Variants in HIVEP3 observed in about 807,000 individuals in gnomAD.
HIVEP3 encodes HIVEP zinc finger 3.
HIVEP3 carries 49 observed loss-of-function variants against 152.8 expected under a neutral mutation model. The ratio of observed to expected loss-of-function variants is 0.32; its 90% CI spans 0.26 to 0.41. HIVEP3 has a LOEUF of 0.41. Among genes scored for constraint, HIVEP3 ranks in the 10% least tolerant of loss-of-function variants. The pLI, the probability that HIVEP3 is intolerant of heterozygous loss-of-function variation, is 1.00. For missense variants in HIVEP3, 2,790 were observed against 3,103.3 expected (o/e 0.90, Z 2.40); for synonymous variants, 1,269 against 1,289.0 (o/e 0.98, Z 0.33).
intron 3 of HIVEP3, among the ~76,000 whole-genome samples, chr1:41,607,818 G>A (rs951595856): frequency 2.0e-5 from 3 of 152,252 alleles, no homozygotes; most frequent in Non-Finnish European, 2.9e-5. Context: ...CTGAGTTTAA[G>A]TGGCCATGGC....
intron 1 of HIVEP3, among the ~76,000 whole-genome samples, chr1:41,878,722 T>C (rs1165775860): frequency 5.9e-5 from 7 of 118,886 alleles, no homozygotes; most frequent in African/African-American, 2.0e-4. Context: ...ACTCCCTCCC[T>C]TCCTTCCTCT....
rs563908755 is a variant in HIVEP3 at position 41,758,340 on chromosome 1, A to G, written c.-800-57345T>C. ...CCAGGTACACAGGGAATGGGGAGAG[A>G]AGGCATCAGTCCTGGTCCAAATCTC... On this transcript the variant is annotated intron_variant, in intron 1 of 8. Coordinates refer to ENST00000372583, the MANE Select transcript of HIVEP3 (RefSeq NM_024503.5). Among the ~76,000 whole-genome samples, 32 of 152,176 alleles carry G rather than the reference A, an allele frequency of 2.1e-4. 1 individual carries two copies. Among genetic ancestry groups the G allele is most frequent in the Non-Finnish European group, 4.0e-4 (27 of 68,020 alleles).
At chr1:41,749,240 G>T (rs1331107560) in intron 1 of HIVEP3, among the ~76,000 whole-genome samples, 1 of 152,182 alleles carries the variant, frequency 6.6e-6, no homozygotes, top group South Asian at 2.1e-4. Context: ...GGCACTCCTG[G>T]TAGGGATGGG....
At chr1:41,895,761 C>T (rs1051884647) in intron 1 of HIVEP3, among the ~76,000 whole-genome samples, 1 of 151,954 alleles carries the variant, frequency 6.6e-6, no homozygotes, top group African/African-American at 2.4e-5. Flanking sequence ...CTGGGAACAT[C>T]CCCCAGGAAC....
chr1:41,617,030 T>C (rs1366827581), intron 3 of HIVEP3, among the ~76,000 whole-genome samples: 6 of 152,194 alleles, frequency 3.9e-5, no homozygotes, highest in African/African-American at 1.4e-4. Flanking sequence ...ATTTGAACCC[T>C]GGCTGTCTGT....
At chr1:41,634,529 T>C (rs1388342507) in intron 2 of HIVEP3, among the ~76,000 whole-genome samples, 1 of 151,550 alleles carries the variant, frequency 6.6e-6, no homozygotes, top group Non-Finnish European at 1.5e-5. Flanking sequence ...GACACAATAA[T>C]ATGAATAAAT....
intron 1 of HIVEP3, among the ~76,000 whole-genome samples, chr1:41,860,079 G>A (rs934008133): frequency 2.6e-5 from 4 of 152,154 alleles, no homozygotes; most frequent in Non-Finnish European, 1.5e-5. Flanking sequence ...AAGAAAAGAT[G>A]GCTTGCGGAT....
chr1:41,640,810 C>A (rs1645360980), intron 2 of HIVEP3, among the ~76,000 whole-genome samples: 1 of 152,224 alleles, frequency 6.6e-6, no homozygotes, highest in Non-Finnish European at 1.5e-5. Context: ...TCATCACCAT[C>A]TGACAACTGA....
intron 1 of HIVEP3, among the ~76,000 whole-genome samples, chr1:41,705,938 T>C (rs1220070889): frequency 6.6e-6 from 1 of 152,206 alleles, no homozygotes; most frequent in African/African-American, 2.4e-5. Context: ...CAAGGGTTGA[T>C]AGCCTGCAGT....
In HIVEP3 at chr1:41,918,107, C is replaced by CCCA. The variant is rs1644900646; in HGVS notation, c.-801+305_-801+306insTGG. 6.6e-6 allele frequency among the ~76,000 whole-genome samples: 1 copy of CCCA among 151,614 alleles called. No individual in the cohort carries two copies. The highest frequency in any genetic ancestry group is 2.4e-5 in the African/African-American group (1 of 41,254). ...CGCACGGCGCGCATAGGGTTACAGC[C>CCCA]CCGCCGCCGCCGCCGCCGCCGCCGC... On this transcript the variant is annotated intron_variant, in intron 1 of 8. Transcript: ENST00000372583. This position sits in a 1 kb window ranked among gnomAD's most constrained non-coding sequence, Gnocchi z 4.3.
rs138759633 is a variant in HIVEP3, at chr1:42,004,265, T to C, written n.119+31542A>G. Among the ~76,000 whole-genome samples the C allele has an allele frequency of 4.4e-3, 672 of 152,368 alleles. 5 individuals carry two copies. Among genetic ancestry groups the C allele is most frequent in the African/African-American group, 0.016 (654 of 41,574 alleles). On this transcript the variant is annotated intron_variant and non_coding_transcript_variant, in intron 1 of 3. Coordinates refer to the HIVEP3 transcript ENST00000489103. ...CCACATCCATCCACTGTAGGCATTC[T>C]AAGCCTTAATATGTGGCAAAGACAG...
intron 1 of HIVEP3, among the ~76,000 whole-genome samples, chr1:41,870,781 G>A (rs1644065276): frequency 6.6e-6 from 1 of 152,228 alleles, no homozygotes; most frequent in African/African-American, 2.4e-5. Context: ...GGGACTGGCA[G>A]AAGCAGCATA....
chr1:41,824,788 G>T (rs867471520), intron 1 of HIVEP3, among the ~76,000 whole-genome samples: 186 of 15,506 alleles, frequency 0.012, no homozygotes, highest in African/African-American at 0.021. Flanking sequence ...TATATATAGA[G>T]AGAGAGAGAG....
intron 4 of HIVEP3, 47 bp downstream of exon 4, chr1:41,579,690 G>A (rs1644370529): frequency 2.0e-6 from 3 of 1,511,854 alleles, no homozygotes; most frequent in African/African-American, 1.4e-5. Flanking sequence ...AGCTCGCCAA[G>A]TGCTTTTGCA....
chr1:41,562,839 G>A (rs1644099642), intron 5 of HIVEP3, among the ~76,000 whole-genome samples: 1 of 152,160 alleles, frequency 6.6e-6, no homozygotes, highest in Admixed American at 6.5e-5. Context: ...AGCCTCTGCA[G>A]GTTGGGGTGG....
chr1:41,774,772 T>TTTTTTTTA (rs545937604), intron 1 of HIVEP3, among the ~76,000 whole-genome samples: 8 of 143,788 alleles, frequency 5.6e-5, no homozygotes, highest in African/African-American at 1.1e-4. Flanking sequence ...GCATCTTTTA[T>TTTTTTTTA]TTTATTTATT....
At chr1:41,540,184 A>T (rs183920106) in intron 5 of HIVEP3, among the ~76,000 whole-genome samples, 1 of 152,254 alleles carries the variant, frequency 6.6e-6, no homozygotes, top group Non-Finnish European at 1.5e-5. Flanking sequence ...AGCAGCTGAC[A>T]CTATGCGTAC....
chr1:41,544,854 A>T (rs1231830193), intron 5 of HIVEP3, among the ~76,000 whole-genome samples: 37 of 74,540 alleles, frequency 5.0e-4, no homozygotes, highest in Middle Eastern at 6.8e-3. Flanking sequence ...TACCACCACC[A>T]CCACCACCAC....
intron 1 of HIVEP3, among the ~76,000 whole-genome samples, chr1:41,929,740 A>ATATATATATATATATATATATATATG (rs1178252444): frequency 7.1e-6 from 1 of 140,398 alleles, no homozygotes; most frequent in East Asian, 2.0e-4. Flanking sequence ...ATATATATAT[A>ATATATATATATATATATATATATATG]TATATATATA....
Sources: gnomAD v4.1 joint callset for allele counts (sites outside exome capture counted in the v4.1 genomes callset) on GRCh38, gnomAD v4.1.1 for gene constraint, Gnocchi (gnomAD v3.1) non-coding constraint, MANE v1.5 for transcripts, NCBI Gene and HGNC (gene_info 2026-07-23, HGNC 2026-07-21) for gene names.